The following MED12L variants were observed in gnomAD, a reference collection of about 807,000 sequenced individuals.
MED12L encodes the protein mediator complex subunit 12L.
A neutral mutation model predicts 281.3 loss-of-function variants in MED12L; 60 were observed. The observed-to-expected ratio is 0.21, with a 90% CI of 0.17 to 0.26. MED12L has a LOEUF of 0.26. Ranked by LOEUF, MED12L falls within the 10% of genes least tolerant of loss-of-function variation. MED12L has a pLI of 1.00. For missense variants in MED12L, 2,146 were observed against 2,680.9 expected (o/e 0.80, Z 4.41); for synonymous variants, 974 against 987.2 (o/e 0.99, Z 0.25).
chr3:151,298,041 C>T (rs1191038680), intron 16 of MED12L, among the ~76,000 whole-genome samples: 1 of 152,158 alleles, frequency 6.6e-6, no homozygotes, highest in Non-Finnish European at 1.5e-5. Context: ...AGCCATTACT[C>T]ATCTGGTTGC....
intron 16 of MED12L, among the ~76,000 whole-genome samples, chr3:151,194,682 T>TA: frequency 6.6e-6 from 1 of 152,332 alleles, no homozygotes; most frequent in Middle Eastern, 3.4e-3. Flanking sequence ...ACCATTTGAC[T>TA]CTTAGCAAAG....
intron 3 of MED12L, among the ~76,000 whole-genome samples, chr3:151,119,369 GA>G (rs1340007241): frequency 6.6e-6 from 1 of 152,210 alleles, no homozygotes; most frequent in Non-Finnish European, 1.5e-5. Flanking sequence ...GGAAGTCCAA[GA>G]TAAGGTGTCA....
chr3:151,307,778 A>C (rs1430175792), intron 16 of MED12L, among the ~76,000 whole-genome samples: 2 of 152,180 alleles, frequency 1.3e-5, no homozygotes, highest in African/African-American at 4.8e-5. Flanking sequence ...AATGAGCTCT[A>C]GCTTTTAAGA....
At chr3:151,372,827 C>A in intron 27 of MED12L, 61 bp downstream of exon 27, 3 of 1,355,438 alleles carry the variant, frequency 2.2e-6, no homozygotes, top group South Asian at 1.2e-5. Context: ...GAGAGAGCTA[C>A]TTACACTTAT....
Position 151,435,120 on chromosome 3 carries a change from C to T in MED12L, c.*2316C>T, listed in dbSNP as rs1486307770. On this transcript the variant is annotated 3_prime_UTR_variant, in exon 45 of 45. Transcript: ENST00000687756. Reference sequence around the variant, plus strand: ...ATGCATTCTTTTGCATTAAGATGGTCACAAGGTAAAGCCCTGTGGCAGAAC... The same window carrying T: ...ATGCATTCTTTTGCATTAAGATGGTTACAAGGTAAAGCCCTGTGGCAGAAC... 2 of 135,386 alleles carry T rather than the reference C, an allele frequency of 1.5e-5. No homozygotes were observed. The highest frequency in any genetic ancestry group is 4.3e-4 in the East Asian group (2 of 4,614). The allele number at this position is 135,386 out of a possible 1,614,324, so 8.4% of individuals were successfully genotyped here.
At chr3:151,125,912 T>C (rs1374464380) in intron 4 of MED12L, among the ~76,000 whole-genome samples, 2 of 152,148 alleles carry the variant, frequency 1.3e-5, no homozygotes, top group African/African-American at 2.4e-5. Context: ...ATCTCCTGTT[T>C]AGTTGTGTTG....
intron 39 of MED12L, among the ~76,000 whole-genome samples, chr3:151,396,148 T>C (rs1459422533): frequency 6.6e-6 from 1 of 152,220 alleles, no homozygotes; most frequent in East Asian, 1.9e-4. Flanking sequence ...GAAAAAAAAT[T>C]ATTTAATTTG....
At chr3:151,217,334 T>C (rs758697250) in intron 16 of MED12L, among the ~76,000 whole-genome samples, 17 of 152,236 alleles carry the variant, frequency 1.1e-4, no homozygotes, top group Non-Finnish European at 2.2e-4. Context: ...TTTCTGCATG[T>C]GACCTAATGC....
intron 11 of MED12L, among the ~76,000 whole-genome samples, chr3:151,184,361 A>T (rs1440681947): frequency 6.6e-6 from 1 of 152,212 alleles, no homozygotes. Context: ...GCGTGTGCTC[A>T]TAGCCATATC....
At chr3:151,164,268 A>G (rs1158689436) in intron 9 of MED12L, among the ~76,000 whole-genome samples, 1 of 152,180 alleles carries the variant, frequency 6.6e-6, no homozygotes. Context: ...GTTCTTGCTG[A>G]GAGTTCTGCC....
At position 151,411,182 on chromosome 3, in the gene MED12L, G is replaced by C. The variant is rs986560833; in HGVS notation, c.5911-96G>C. 4 of 966,550 alleles carry C rather than the reference G, an allele frequency of 4.1e-6. No homozygotes were observed. In the African/African-American group the frequency reaches 6.5e-5, roughly 16 times the overall value. 59.9% of individuals were successfully genotyped at this position (966,550 alleles called of 1,614,324 possible). ...TTTGAAAACAGTGAATTTCAGGGGAGTCCTCATGGGTTTGTTTTTGCCCCA... is the reference window on the plus strand; with the variant it reads ...TTTGAAAACAGTGAATTTCAGGGGACTCCTCATGGGTTTGTTTTTGCCCCA... On this transcript the variant is annotated intron_variant, in intron 40 of 44. Transcript: ENST00000687756.
At chr3:151,184,439 C>T (rs527960022) in intron 11 of MED12L, among the ~76,000 whole-genome samples, 11 of 152,182 alleles carry the variant, frequency 7.2e-5, no homozygotes, top group South Asian at 2.1e-4. Context: ...GCTAATGCTG[C>T]GATTATCTAG....
intron 5 of MED12L, among the ~76,000 whole-genome samples, chr3:151,131,484 G>C (rs1715387048): frequency 6.6e-6 from 1 of 152,022 alleles, no homozygotes; most frequent in Non-Finnish European, 1.5e-5. Context: ...GTGCACACCT[G>C]TATTCCCAGC....
At chr3:151,339,508 A>G (rs1751517790) in intron 16 of MED12L, among the ~76,000 whole-genome samples, 1 of 151,864 alleles carries the variant, frequency 6.6e-6, no homozygotes, top group Admixed American at 6.6e-5. Flanking sequence ...TCATTCAAAG[A>G]TTGGCCTCAC....
At chr3:151,372,845 T>A in intron 27 of MED12L, 79 bp downstream of exon 27, 1 of 1,144,018 alleles carries the variant, frequency 8.7e-7, no homozygotes, top group Non-Finnish European at 1.3e-6. Flanking sequence ...TATAGGAAAC[T>A]TGTGCATAGG....
At chr3:151,214,206 G>T (rs748299209) in intron 16 of MED12L, 2 of 1,613,876 alleles carry the variant, frequency 1.2e-6, no homozygotes, top group South Asian at 2.2e-5. Flanking sequence ...CATTGAGTAG[G>T]ATTCCTGCAA....
At position 151,136,381 on chromosome 3, in the gene MED12L, A is replaced by G. The variant is rs560169194; in HGVS notation, c.556+8397A>G. Among the ~76,000 whole-genome samples the G allele has an allele frequency of 2.6e-4, 40 of 152,322 alleles. No homozygotes were observed. In the East Asian group the frequency reaches 5.4e-3, roughly 21 times the overall value. The stretch of plus-strand genomic sequence containing the variant: ...TTGTCAAGATTGCCTCCACATTTTC[A>G]CAGTGTTCCTTCTATCTCATTTGTC... On this transcript the variant is annotated intron_variant, in intron 5 of 44. Coordinates refer to ENST00000687756, the MANE Select transcript of MED12L (RefSeq NM_001393769.1).
At chr3:151,403,179 A>T (rs954029504) in intron 39 of MED12L, among the ~76,000 whole-genome samples, 1 of 152,172 alleles carries the variant, frequency 6.6e-6, no homozygotes, top group African/African-American at 2.4e-5. Flanking sequence ...TGCATTGACC[A>T]TGTTTAATTT....
At chr3:151,317,534 T>C (rs1243951233) in intron 16 of MED12L, among the ~76,000 whole-genome samples, 1 of 131,978 alleles carries the variant, frequency 7.6e-6, no homozygotes, top group Non-Finnish European at 1.6e-5. Flanking sequence ...TGCTGCAACC[T>C]CCACCTCCCG....
Sources: allele counts gnomAD v4.1 joint callset (sites outside exome capture counted in the v4.1 genomes callset), GRCh38; gene constraint gnomAD v4.1.1; transcripts MANE v1.5; gene names NCBI Gene and HGNC (gene_info 2026-07-23, HGNC 2026-07-21).